Variants in KCNQ3 observed in about 807,000 individuals in gnomAD.
KCNQ3 encodes potassium voltage-gated channel subfamily KQT member 3.
A neutral mutation model predicts 92.5 loss-of-function variants in KCNQ3; 30 were observed. The ratio of observed to expected loss-of-function variants is 0.32; its 90% CI spans 0.24 to 0.44. The LOEUF (loss-of-function observed/expected upper bound fraction) is 0.44, where lower values mean the gene tolerates loss of function less well. Among genes scored for constraint, KCNQ3 ranks in the 20% least tolerant of loss-of-function variants. KCNQ3 has a pLI of 1.00. For missense variants in KCNQ3, 913 were observed against 1,140.3 expected, an observed-to-expected ratio of 0.80 and a Z score of 2.87; for synonymous variants, 450 against 468.8, an observed-to-expected ratio of 0.96 and a Z score of 0.52.
At chr8:132,351,796 A>G (rs1188043194) in intron 1 of KCNQ3, among the ~76,000 whole-genome samples, 8 of 152,172 alleles carry the variant, frequency 5.3e-5, no homozygotes, top group African/African-American at 1.9e-4. Context: ...TTTCCCTGAG[A>G]GGCACTGGCT....
At chr8:132,315,765 A>C (rs552767008) in intron 1 of KCNQ3, among the ~76,000 whole-genome samples, 2 of 152,290 alleles carry the variant, frequency 1.3e-5, no homozygotes, top group African/African-American at 2.4e-5. Flanking sequence ...CTTATCCCTG[A>C]AGTCATATCC....
intron 1 of KCNQ3, among the ~76,000 whole-genome samples, chr8:132,310,849 A>G (rs1339436577): frequency 1.3e-5 from 2 of 152,140 alleles, no homozygotes; most frequent in Non-Finnish European, 2.9e-5. Context: ...GGTTTATTAA[A>G]GTGATGGGTT....
chr8:132,264,145 G>A (rs1014393300), intron 1 of KCNQ3, among the ~76,000 whole-genome samples: 1 of 152,180 alleles, frequency 6.6e-6, no homozygotes, highest in Admixed American at 6.5e-5. Flanking sequence ...AGGTTTGTCT[G>A]CCTCTAAAAC....
At chr8:132,158,218 C>T (rs1334817603) in intron 9 of KCNQ3, among the ~76,000 whole-genome samples, 1 of 152,158 alleles carries the variant, frequency 6.6e-6, no homozygotes, top group Non-Finnish European at 1.5e-5. Context: ...CTCTGGTTAA[C>T]AATTTCCTCA....
At chr8:132,235,642 G>A (rs182511483) in intron 1 of KCNQ3, among the ~76,000 whole-genome samples, 5 of 152,276 alleles carry the variant, frequency 3.3e-5, no homozygotes, top group East Asian at 3.9e-4. Context: ...CTGCCTCCTT[G>A]ACTAGCCTTC....
At chr8:132,424,261 C>G (rs571880261) in intron 1 of KCNQ3, among the ~76,000 whole-genome samples, 10 of 152,218 alleles carry the variant, frequency 6.6e-5, no homozygotes, top group South Asian at 2.1e-4. Flanking sequence ...ACGTGCCCCC[C>G]ACCCCAGCCC....
intron 1 of KCNQ3, among the ~76,000 whole-genome samples, chr8:132,416,218 AT>A (rs1820802634): frequency 6.6e-6 from 1 of 152,240 alleles, no homozygotes; most frequent in Non-Finnish European, 1.5e-5. Context: ...ATAAATATTC[AT>A]TGCTAAGACG....
At chr8:132,309,326 C>G (rs1481020736) in intron 1 of KCNQ3, among the ~76,000 whole-genome samples, 1 of 152,194 alleles carries the variant, frequency 6.6e-6, no homozygotes, top group Non-Finnish European at 1.5e-5. Context: ...ATTATTATCT[C>G]CTGCTGCTCA....
chr8:132,185,891 C>G (rs973843202), intron 2 of KCNQ3, among the ~76,000 whole-genome samples, 200 bp downstream of exon 2: 1 of 152,108 alleles, frequency 6.6e-6, no homozygotes, highest in Non-Finnish European at 1.5e-5. Context: ...AAAGCTTTAC[C>G]AGGAATGCCA....
intron 1 of KCNQ3, among the ~76,000 whole-genome samples, chr8:132,216,369 C>A (rs1027824162): frequency 2.0e-5 from 3 of 152,188 alleles, no homozygotes; most frequent in African/African-American, 7.2e-5. Flanking sequence ...ATGCCACAGG[C>A]ACTAACAAGG....
At chr8:132,263,612 T>A (rs1051405126) in intron 1 of KCNQ3, among the ~76,000 whole-genome samples, 1 of 152,200 alleles carries the variant, frequency 6.6e-6, no homozygotes, top group African/African-American at 2.4e-5. Flanking sequence ...GAAAAACTTG[T>A]GGACCAAAGT....
At chr8:132,387,408 T>C (rs528706028) in intron 1 of KCNQ3, among the ~76,000 whole-genome samples, 3 of 152,302 alleles carry the variant, frequency 2.0e-5, no homozygotes, top group Admixed American at 6.5e-5. Context: ...TTTCTTAATA[T>C]GGCAAGAATT....
intron 1 of KCNQ3, among the ~76,000 whole-genome samples, chr8:132,479,790 A>G (rs1282178506): frequency 1.3e-5 from 2 of 152,086 alleles, no homozygotes; most frequent in African/African-American, 4.8e-5. Context: ...CAACCCTCAC[A>G]TTAATTGGAA....
intron 1 of KCNQ3, among the ~76,000 whole-genome samples, chr8:132,369,309 C>T (rs970177811): frequency 3.3e-5 from 5 of 152,096 alleles, no homozygotes; most frequent in South Asian, 2.1e-4. Context: ...AAAGTCACAA[C>T]GTGCAGCTCA....
At chr8:132,297,465 T>C (rs1817075285) in intron 1 of KCNQ3, among the ~76,000 whole-genome samples, 1 of 152,220 alleles carries the variant, frequency 6.6e-6, no homozygotes, top group Non-Finnish European at 1.5e-5. Flanking sequence ...AAAACTCTGA[T>C]TTCATGAACA....
chr8:132,397,166 C>T (rs1178021569), intron 1 of KCNQ3, among the ~76,000 whole-genome samples: 3 of 152,238 alleles, frequency 2.0e-5, no homozygotes, highest in African/African-American at 7.2e-5. Flanking sequence ...TCGCATTTTA[C>T]CAAATCACTA....
intron 1 of KCNQ3, among the ~76,000 whole-genome samples, chr8:132,312,779 C>A (rs1817632453): frequency 6.6e-6 from 1 of 152,188 alleles, no homozygotes; most frequent in Non-Finnish European, 1.5e-5. Context: ...GTAAGACATG[C>A]CTGCTTCCCC....
chr8:132,409,802 T>G (rs939596457), intron 1 of KCNQ3, among the ~76,000 whole-genome samples: 1 of 152,230 alleles, frequency 6.6e-6, no homozygotes, highest in African/African-American at 2.4e-5. Context: ...GACAGTTGGA[T>G]ATGCAGCCCC....
chr8:132,161,416 G>A (rs998501552), intron 9 of KCNQ3, among the ~76,000 whole-genome samples: 6 of 152,186 alleles, frequency 3.9e-5, no homozygotes, highest in African/African-American at 1.4e-4. Context: ...ATCACCTGAG[G>A]TCAGGAGTTT....
Sources: gnomAD v4.1 joint callset for allele counts (sites outside exome capture counted in the v4.1 genomes callset) on GRCh38, gnomAD v4.1.1 for gene constraint, MANE v1.5 for transcripts, NCBI Gene and HGNC (gene_info 2026-07-23, HGNC 2026-07-21) for gene names.